Variants in DPP10 observed in about 807,000 individuals in gnomAD.
DPP10 encodes the protein dipeptidyl peptidase like 10, also known as inactive dipeptidyl peptidase 10.
Under a neutral mutation model 120.9 loss-of-function variants are expected in DPP10, and 33 were observed. The ratio of observed to expected loss-of-function variants is 0.27; its 90% CI spans 0.21 to 0.37. DPP10 has a LOEUF of 0.37. Ranked by LOEUF, DPP10 falls within the 10% of genes least tolerant of loss-of-function variation. The pLI is 1.00. For synonymous variants in DPP10, 337 were observed against 326.1 expected (o/e 1.03, Z -0.36); for missense variants, 816 against 942.8 (o/e 0.87, Z 1.76).
chr2:115,477,127 G>T (rs1347289691), intron 3 of DPP10, among the ~76,000 whole-genome samples: 2 of 152,032 alleles, frequency 1.3e-5, no homozygotes, highest in East Asian at 3.9e-4. Flanking sequence ...GCTCACTTTT[G>T]CCACTTCTAT....
At chr2:114,546,778 A>G (rs1289367396) in intron 1 of DPP10, among the ~76,000 whole-genome samples, 2 of 152,210 alleles carry the variant, frequency 1.3e-5, no homozygotes, top group Non-Finnish European at 2.9e-5. Context: ...TCCAAAAGTC[A>G]CCAGAAATTA....
intron 1 of DPP10, among the ~76,000 whole-genome samples, chr2:114,718,485 G>C (rs1458414814): frequency 2.6e-5 from 4 of 151,860 alleles, no homozygotes; most frequent in Non-Finnish European, 5.9e-5. Flanking sequence ...GTGGCTAGAG[G>C]CTATTGTATT....
At chr2:115,538,774 T>A (rs1433003371) in intron 5 of DPP10, among the ~76,000 whole-genome samples, 1 of 151,990 alleles carries the variant, frequency 6.6e-6, no homozygotes, top group East Asian at 1.9e-4. Context: ...TAGAACCGTG[T>A]GCCAATACTG....
chr2:115,557,510 G>C (rs2080291582), intron 5 of DPP10, among the ~76,000 whole-genome samples: 1 of 152,158 alleles, frequency 6.6e-6, no homozygotes, highest in Admixed American at 6.5e-5. Flanking sequence ...CTTGTTCAGA[G>C]TCTTTTCTAT....
chr2:114,464,423 C>T (rs965537116), intron 1 of DPP10, among the ~76,000 whole-genome samples: 1 of 151,988 alleles, frequency 6.6e-6, no homozygotes, highest in Non-Finnish European at 1.5e-5. Flanking sequence ...AGTTATTTTG[C>T]CCATTTTTAA....
intron 1 of DPP10, among the ~76,000 whole-genome samples, chr2:114,902,639 G>A (rs1001325859): frequency 6.6e-6 from 1 of 152,080 alleles, no homozygotes; most frequent in African/African-American, 2.4e-5. Context: ...TTTTAAAATA[G>A]ACTTTATTTT....
intron 1 of DPP10, among the ~76,000 whole-genome samples, chr2:114,842,246 G>A (rs1314487372): frequency 2.6e-5 from 4 of 152,154 alleles, no homozygotes; most frequent in South Asian, 2.1e-4. Context: ...TACATGTGAA[G>A]GCTATTTGGC....
At chr2:115,064,604 T>C (rs1706690374) in intron 1 of DPP10, 2 of 1,226,458 alleles carry the variant, frequency 1.6e-6, no homozygotes, top group South Asian at 2.9e-5. Context: ...AGGTGGGCAC[T>C]GACGTAGATT....
intron 1 of DPP10, among the ~76,000 whole-genome samples, chr2:115,233,687 A>G (rs1349330275): frequency 6.6e-6 from 1 of 152,190 alleles, no homozygotes; most frequent in Non-Finnish European, 1.5e-5. Context: ...TCTGCAAAGA[A>G]AAATTGACAG....
intron 1 of DPP10, among the ~76,000 whole-genome samples, chr2:114,852,295 C>T (rs1275478500): frequency 6.6e-6 from 1 of 151,464 alleles, no homozygotes; most frequent in Non-Finnish European, 1.5e-5. Context: ...ATGTTCCCTG[C>T]TCCTGATTGG....
intron 1 of DPP10, among the ~76,000 whole-genome samples, chr2:114,981,325 A>G (rs1700077694): frequency 6.6e-6 from 1 of 152,180 alleles, no homozygotes; most frequent in African/African-American, 2.4e-5. Context: ...AATATAATGG[A>G]TTACTTGTAG....
chr2:114,553,187 A>T (rs888395004), intron 1 of DPP10, among the ~76,000 whole-genome samples: 1 of 152,234 alleles, frequency 6.6e-6, no homozygotes, highest in Non-Finnish European at 1.5e-5. Flanking sequence ...CCACAAGGAC[A>T]TCCTTTATGC....
At chr2:114,757,963 A>T (rs1304688518) in intron 1 of DPP10, among the ~76,000 whole-genome samples, 1 of 152,150 alleles carries the variant, frequency 6.6e-6, no homozygotes, top group African/African-American at 2.4e-5. Context: ...TAGAGTCCCC[A>T]AGTCCTCACA....
intron 1 of DPP10, among the ~76,000 whole-genome samples, chr2:114,749,314 CA>C (rs1375133261): frequency 6.6e-6 from 1 of 151,986 alleles, no homozygotes; most frequent in Non-Finnish European, 1.5e-5. Context: ...GCCCTTAGGA[CA>C]AAGGGAATTT....
intron 5 of DPP10, among the ~76,000 whole-genome samples, chr2:115,568,774 G>C (rs1391587548): frequency 2.0e-5 from 3 of 151,994 alleles, no homozygotes; most frequent in African/African-American, 7.3e-5. Flanking sequence ...AGCTCATTCT[G>C]CTACCCTTCT....
At chr2:115,121,081 G>T (rs1295662533) in intron 1 of DPP10, among the ~76,000 whole-genome samples, 2 of 152,154 alleles carry the variant, frequency 1.3e-5, no homozygotes, top group Non-Finnish European at 2.9e-5. Context: ...AAACCCTTGA[G>T]GTAGGACTAT....
At chr2:114,466,489 C>G (rs903144143) in intron 1 of DPP10, among the ~76,000 whole-genome samples, 1 of 152,156 alleles carries the variant, frequency 6.6e-6, no homozygotes, top group Non-Finnish European at 1.5e-5. Flanking sequence ...TGAATCTCGA[C>G]TCTGTTTCCG....
At chr2:115,655,792 A>T (rs13392531) in intron 5 of DPP10, among the ~76,000 whole-genome samples, 9,565 of 151,570 alleles carry the variant, frequency 0.063, 331 homozygotes, top group South Asian at 0.085. Flanking sequence ...AAGAATTATC[A>T]TATTATATTG....
rs1702877575 is a variant in DPP10, at chr2:115,019,045, C to A, written c.61-290194C>A. The stretch of plus-strand genomic sequence containing the variant: ...CATCAGCAGGGCAGAGACCCAGCAC[C>A]CACCTGCCACCCCTCCCCCACCATT... On this transcript the variant is annotated intron_variant, in intron 1 of 25. Coordinates refer to ENST00000410059, the MANE Select transcript of DPP10 (RefSeq NM_020868.6). 5.3e-5 allele frequency among the ~76,000 whole-genome samples: 8 copies of A among 151,778 alleles called. No homozygotes were observed. The South Asian group carries it at 1.7e-3, about 32-fold the overall frequency.
Sources: allele counts gnomAD v4.1 joint callset (sites outside exome capture counted in the v4.1 genomes callset), GRCh38; gene constraint gnomAD v4.1.1; transcripts MANE v1.5; gene names NCBI Gene and HGNC (gene_info 2026-07-23, HGNC 2026-07-21).